The following THEMIS variants were observed in gnomAD, a reference collection of about 807,000 sequenced individuals.
THEMIS encodes thymocyte selection associated.
THEMIS carries 37 observed loss-of-function variants against 52.6 expected under a neutral mutation model. The observed-to-expected ratio is 0.70, with a 90% CI of 0.54 to 0.93. The LOEUF (loss-of-function observed/expected upper bound fraction) is 0.93, where lower values mean the gene tolerates loss of function less well. Ranked by LOEUF, THEMIS falls within the 40% of genes least tolerant of loss-of-function variation. THEMIS has a pLI of 0.00. For synonymous variants in THEMIS, 292 were observed against 272.7 expected, an observed-to-expected ratio of 1.07 and a Z score of -0.70; for missense variants, 808 against 763.1, an observed-to-expected ratio of 1.06 and a Z score of -0.69.
intron 4 of THEMIS, among the ~76,000 whole-genome samples, chr6:127,746,758 T>A (rs1291731684): frequency 2.6e-4 from 21 of 79,906 alleles, no homozygotes; most frequent in African/African-American, 1.1e-3. Flanking sequence ...AATTATATAT[T>A]ATTATATAAT....
intron 1 of THEMIS, among the ~76,000 whole-genome samples, chr6:127,896,277 A>G (rs1340890532): frequency 6.6e-6 from 1 of 151,412 alleles, no homozygotes; most frequent in African/African-American, 2.4e-5. Context: ...AGCAAAATCC[A>G]TCAATATTCA....
At chr6:127,800,232 A>C (rs920986599) in intron 4 of THEMIS, among the ~76,000 whole-genome samples, 20 of 152,328 alleles carry the variant, frequency 1.3e-4, no homozygotes, top group Admixed American at 8.5e-4. Context: ...GCACTCAGCT[A>C]ATAAAGCCCT....
chr6:127,856,543 TC>T (rs1370077697), intron 1 of THEMIS, among the ~76,000 whole-genome samples: 1 of 151,910 alleles, frequency 6.6e-6, no homozygotes, highest in Non-Finnish European at 1.5e-5. Context: ...GAAGTCAGCT[TC>T]CCAGGCAGAG....
chr6:127,735,770 G>A (rs1476973838), intron 4 of THEMIS, among the ~76,000 whole-genome samples: 12 of 152,062 alleles, frequency 7.9e-5, no homozygotes, highest in Admixed American at 7.9e-4. Context: ...TTTCACACAT[G>A]GTCAACTCTG....
intron 4 of THEMIS, among the ~76,000 whole-genome samples, chr6:127,755,006 T>G (rs759161798): frequency 6.6e-6 from 1 of 151,232 alleles, no homozygotes; most frequent in African/African-American, 2.4e-5. Flanking sequence ...CTCCGTCACA[T>G]TCATTCTTTT....
intron 4 of THEMIS, among the ~76,000 whole-genome samples, chr6:127,796,874 C>T (rs1777347239): frequency 6.6e-6 from 1 of 152,154 alleles, no homozygotes; most frequent in Non-Finnish European, 1.5e-5. Flanking sequence ...TTTTATATCC[C>T]TTCAAATCTC....
At chr6:127,796,808 T>C (rs1299281102) in intron 4 of THEMIS, among the ~76,000 whole-genome samples, 1 of 152,234 alleles carries the variant, frequency 6.6e-6, no homozygotes, top group African/African-American at 2.4e-5. Flanking sequence ...ATCAGCAATT[T>C]ATTGAGTAAG....
At chr6:127,739,102 C>T (rs1775108477) in intron 4 of THEMIS, among the ~76,000 whole-genome samples, 1 of 152,176 alleles carries the variant, frequency 6.6e-6, no homozygotes, top group African/African-American at 2.4e-5. Context: ...CAGCCTCTCT[C>T]TTCTAAGAAT....
chr6:127,736,141 C>T lies in THEMIS; in HGVS notation c.1759-16318G>A, dbSNP rs551987566. Among the ~76,000 whole-genome samples the T allele has an allele frequency of 1.6e-4, 24 of 152,206 alleles. No individual in the cohort carries two copies. The South Asian group carries it at 4.4e-3, about 28-fold the overall frequency. On this transcript the variant is annotated intron_variant, in intron 4 of 5. Coordinates refer to ENST00000368248, the MANE Select transcript of THEMIS (RefSeq NM_001010923.3). ...GTCTTTTTTACCTATATCTGAAATT[C>T]TCACTTAGTCAAGAACAAAACATTT...
At chr6:127,803,736 A>T (rs1364016291) in intron 4 of THEMIS, among the ~76,000 whole-genome samples, 3 of 152,198 alleles carry the variant, frequency 2.0e-5, no homozygotes, top group Non-Finnish European at 4.4e-5. Context: ...CTTTCTTCAC[A>T]TCAGTGGATC....
intron 4 of THEMIS, among the ~76,000 whole-genome samples, chr6:127,768,219 A>G (rs1259222984): frequency 6.6e-6 from 1 of 152,230 alleles, no homozygotes; most frequent in Non-Finnish European, 1.5e-5. Context: ...TCTTTAATTG[A>G]AGAAGTGTAC....
intron 1 of THEMIS, among the ~76,000 whole-genome samples, chr6:127,879,787 G>A (rs566454553): frequency 3.6e-4 from 55 of 152,152 alleles, no homozygotes; most frequent in African/African-American, 1.3e-3. Context: ...TCCGTGAGCT[G>A]GAGCTGCTGG....
chr6:127,764,237 AC>A (rs1256141310), intron 4 of THEMIS, among the ~76,000 whole-genome samples: 21 of 151,774 alleles, frequency 1.4e-4, no homozygotes, highest in Non-Finnish European at 1.6e-4. Context: ...ATAAGGTGAA[AC>A]CCATTTTCTG....
At chr6:127,759,089 A>G (rs929444591) in intron 4 of THEMIS, among the ~76,000 whole-genome samples, 21 of 152,200 alleles carry the variant, frequency 1.4e-4, no homozygotes, top group African/African-American at 4.8e-4. Flanking sequence ...TCAGAACTCA[A>G]GAAGAGTACC....
At position 127,708,566 on chromosome 6, in the gene THEMIS, T is replaced by C. The variant is rs1773869263; in HGVS notation, c.*1419A>G. On this transcript the variant is annotated 3_prime_UTR_variant, in exon 6 of 6. Transcript: ENST00000368248. ...GGTTAAGATTCGCTGTGGCCTTCAA[T>C]AACCAAATGTGGGTCTTAGAAAAGT... 2 of 152,092 alleles carry C rather than the reference T, an allele frequency of 1.3e-5. No homozygotes were observed. The highest frequency in any genetic ancestry group is 2.9e-5 in the Non-Finnish European group (2 of 67,986). The allele number at this position is 152,092 out of a possible 1,614,324, so 9.4% of individuals were successfully genotyped here. A position where few individuals can be genotyped will look rare whatever the true frequency, so the allele number is the denominator to read the frequency against.
intron 2 of THEMIS, among the ~76,000 whole-genome samples, chr6:127,837,341 C>G (rs557994836): frequency 1.1e-4 from 17 of 151,842 alleles, no homozygotes; most frequent in Non-Finnish European, 2.2e-4. Flanking sequence ...AGGAGCCCCC[C>G]CAAAATTTTT....
chr6:127,701,566 C>T, the THEMIS span, among the ~76,000 whole-genome samples: 1 of 151,982 alleles, frequency 6.6e-6, no homozygotes, highest in Non-Finnish European at 1.5e-5. Context: ...CACAAATAGA[C>T]ATTCTGGGTC....
At chr6:127,872,338 G>A (rs950235255) in intron 1 of THEMIS, among the ~76,000 whole-genome samples, 4 of 152,110 alleles carry the variant, frequency 2.6e-5, no homozygotes, top group African/African-American at 4.8e-5. Context: ...TTGTGAGACC[G>A]AAGCAGGTGG....
intron 2 of THEMIS, among the ~76,000 whole-genome samples, chr6:127,846,411 A>T: frequency 6.6e-6 from 1 of 151,978 alleles, no homozygotes; most frequent in East Asian, 1.9e-4. Context: ...CAAGAAAAAA[A>T]GAGAGAAGAT....
Sources: gnomAD v4.1 joint callset for allele counts (sites outside exome capture counted in the v4.1 genomes callset) on GRCh38, gnomAD v4.1.1 for gene constraint, MANE v1.5 for transcripts, NCBI Gene and HGNC (gene_info 2026-07-23, HGNC 2026-07-21) for gene names.